MYO10: variants seen among roughly 807,000 people sequenced by gnomAD.
MYO10 encodes myosin X.
Under a neutral mutation model 257.3 loss-of-function variants are expected in MYO10, and 133 were observed. The observed-to-expected ratio is 0.52, with a 90% confidence interval of 0.45 to 0.60. MYO10 has a LOEUF of 0.60. Among genes scored for constraint, MYO10 ranks in the 20% least tolerant of loss-of-function variants. The pLI is 0.00. For missense variants in MYO10, 2,399 were observed against 2,635.7 expected (o/e 0.91, Z 1.97); for synonymous variants, 1,104 against 1,028.6 (o/e 1.07, Z -1.40).
At chr5:16,849,484 A>T (rs1743736897) in intron 2 of MYO10, among the ~76,000 whole-genome samples, 1 of 152,190 alleles carries the variant, frequency 6.6e-6, no homozygotes, top group African/African-American at 2.4e-5. Flanking sequence ...ATATCCAGAG[A>T]TTCTTATAAG....
rs1271772771 is a variant in MYO10 at position 16,866,054 on chromosome 5, CACACAA to C, written c.120+11549_120+11554del. 8.6e-4 allele frequency among the ~76,000 whole-genome samples: 126 copies of C among 147,176 alleles called. 1 individual carries two copies. The highest frequency in any genetic ancestry group is 3.0e-3 in the African/African-American group (118 of 39,534). Reference sequence around the variant, plus strand: ...ACACACACACACACACACACACACACACACAAAACAATAGAGGAAAACCCAAGCTCT... The same window carrying C: ...ACACACACACACACACACACACACACAACAATAGAGGAAAACCCAAGCTCT... On this transcript the variant is annotated intron_variant, in intron 2 of 40. Coordinates refer to ENST00000513610, the MANE Select transcript of MYO10 (RefSeq NM_012334.3).
At chr5:16,839,519 G>A (rs1225626359) in intron 2 of MYO10, among the ~76,000 whole-genome samples, 4 of 152,284 alleles carry the variant, frequency 2.6e-5, no homozygotes, top group Admixed American at 6.5e-5. Flanking sequence ...CAAGGTAGGA[G>A]GACTACTTGA....
chr5:16,799,060 A>G lies in MYO10; in HGVS notation c.280-4227T>C, dbSNP rs116734401. ...TTTGTATGGTTGCTGTAAAATTCTAAGATGAGCCTTTCTTTCTTAAGGCAC... is the reference window on the plus strand; with the variant it reads ...TTTGTATGGTTGCTGTAAAATTCTAGGATGAGCCTTTCTTTCTTAAGGCAC... On this transcript the variant is annotated intron_variant, in intron 3 of 40. Transcript: ENST00000513610. Among the ~76,000 whole-genome samples the G allele has an allele frequency of 9.5e-3, 1,454 of 152,302 alleles. 33 individuals are homozygous for G. Among genetic ancestry groups the G allele is most frequent in the African/African-American group, 0.033 (1,384 of 41,566 alleles).
At chr5:16,842,290 C>T (rs757872823) in intron 2 of MYO10, among the ~76,000 whole-genome samples, 7 of 152,042 alleles carry the variant, frequency 4.6e-5, no homozygotes, top group Non-Finnish European at 8.8e-5. Flanking sequence ...CACCACTGCA[C>T]AAGAAGCTAC....
At chr5:16,727,463 T>C (rs1739414850) in intron 19 of MYO10, among the ~76,000 whole-genome samples, 1 of 152,226 alleles carries the variant, frequency 6.6e-6, no homozygotes, top group South Asian at 2.1e-4. Flanking sequence ...TTCATAACAT[T>C]ACCCATTTTT....
chr5:16,817,278 AC>A (rs1411146126), intron 3 of MYO10, among the ~76,000 whole-genome samples: 1 of 152,192 alleles, frequency 6.6e-6, no homozygotes, highest in East Asian at 1.9e-4. Context: ...AACATACATA[AC>A]CAGTTGCCTT....
At chr5:16,737,714 C>A (rs113381666) in intron 19 of MYO10, among the ~76,000 whole-genome samples, 1,795 of 152,300 alleles carry the variant, frequency 0.012, 34 homozygotes, top group African/African-American at 0.041. Context: ...CCCTGGGGGG[C>A]ACCCGGGAAA....
At chr5:16,797,141 C>A (rs1430291101) in intron 3 of MYO10, among the ~76,000 whole-genome samples, 1 of 152,120 alleles carries the variant, frequency 6.6e-6, no homozygotes, top group African/African-American at 2.4e-5. Flanking sequence ...GCAAATAAGT[C>A]CATACAGGTT....
At chr5:16,908,576 CA>C (rs1262650244) in intron 1 of MYO10, among the ~76,000 whole-genome samples, 2 of 152,060 alleles carry the variant, frequency 1.3e-5, no homozygotes, top group Non-Finnish European at 2.9e-5. Context: ...AACAGAGGTA[CA>C]AAGTGGAGCC....
rs191829700 is a variant in MYO10, at chr5:16,709,667, C to T, written c.2169+1241G>A. ...AGAACAAAGCCCCAAGATACAGGGACTGCAGGCTTGGGGGACCCTGATCAG... is the reference window on the plus strand; with the variant it reads ...AGAACAAAGCCCCAAGATACAGGGATTGCAGGCTTGGGGGACCCTGATCAG... On this transcript the variant is annotated intron_variant, in intron 21 of 40. Coordinates refer to ENST00000513610, the MANE Select transcript of MYO10 (RefSeq NM_012334.3). Among the ~76,000 whole-genome samples the T allele has an allele frequency of 2.3e-3, 344 of 152,332 alleles. 2 individuals are homozygous for T. The highest frequency in any genetic ancestry group is 5.7e-3 in the Admixed American group (87 of 15,298).
At position 16,666,618 on chromosome 5, in the gene MYO10, T is replaced by C; in HGVS notation, c.*74A>G. 7.7e-7 allele frequency: 1 copy of C among 1,292,804 alleles called. No individual in the cohort carries two copies. The highest frequency in any genetic ancestry group is 1.1e-6 in the Non-Finnish European group (1 of 936,482). The allele number at this position is 1,292,804 out of a possible 1,614,324, so 80.1% of individuals were successfully genotyped here. On this transcript the variant is annotated 3_prime_UTR_variant, in exon 41 of 41. Transcript: ENST00000513610. ...GCTCTGTGTTTGTTTTGGCTGGGCA[T>C]GGCACACTGGAGCCAGCCTAGGCCA...
chr5:16,706,657 A>G (rs27878), intron 21 of MYO10, among the ~76,000 whole-genome samples: 66,627 of 152,028 alleles, frequency 0.44, 15,765 homozygotes, highest in Non-Finnish European at 0.53. Flanking sequence ...TTGTGAAGGA[A>G]CAAAGGTCTT....
At chr5:16,702,462 G>A (rs1738124824) in intron 24 of MYO10, 81 bp downstream of exon 24, 1 of 1,288,998 alleles carries the variant, frequency 7.8e-7, no homozygotes, top group Non-Finnish European at 1.1e-6. Flanking sequence ...CTTTAATTCA[G>A]TTTTGAATCC....
intron 2 of MYO10, among the ~76,000 whole-genome samples, chr5:16,830,473 C>A (rs1743130931): frequency 6.6e-6 from 1 of 151,554 alleles, no homozygotes; most frequent in Non-Finnish European, 1.5e-5. Flanking sequence ...TTGCTTATAC[C>A]CACTATGCAG....
intron 1 of MYO10, among the ~76,000 whole-genome samples, chr5:16,899,372 C>T (rs547296022): frequency 7.2e-5 from 11 of 152,098 alleles, no homozygotes; most frequent in African/African-American, 2.4e-4. Context: ...CGATGACTCA[C>T]GCCTGTAATC....
At chr5:16,698,956 G>A (rs1055760316) in intron 26 of MYO10, among the ~76,000 whole-genome samples, 1 of 152,022 alleles carries the variant, frequency 6.6e-6, no homozygotes, top group African/African-American at 2.4e-5. Flanking sequence ...AATGGGTCTC[G>A]ACCAATTCCA....
intron 19 of MYO10, among the ~76,000 whole-genome samples, chr5:16,730,865 G>C (rs983293044): frequency 1.3e-5 from 2 of 152,198 alleles, no homozygotes; most frequent in Non-Finnish European, 1.5e-5. Flanking sequence ...ATGGAAGGTG[G>C]GGTGGCTGAT....
chr5:16,819,609 C>T (rs1742738529), intron 2 of MYO10, among the ~76,000 whole-genome samples: 3 of 152,112 alleles, frequency 2.0e-5, no homozygotes, highest in African/African-American at 7.2e-5. Context: ...CCTTCAGACA[C>T]GCACAAACTG....
intron 2 of MYO10, among the ~76,000 whole-genome samples, chr5:16,867,877 A>C (rs1744326480): frequency 6.6e-6 from 1 of 152,182 alleles, no homozygotes; most frequent in African/African-American, 2.4e-5. Context: ...AAGGACATGG[A>C]GGAGGTTGTC....
Sources: allele counts gnomAD v4.1 joint callset (sites outside exome capture counted in the v4.1 genomes callset), GRCh38; gene constraint gnomAD v4.1.1; transcripts MANE v1.5; gene names NCBI Gene and HGNC (gene_info 2026-07-23, HGNC 2026-07-21).